ELOVL2: variants seen among roughly 807,000 people sequenced by gnomAD.
ELOVL2 encodes very long chain fatty acid elongase 2.
A neutral mutation model predicts 37.7 loss-of-function variants in ELOVL2; 38 were observed. That is an observed-to-expected ratio of 1.01 (90% CI 0.78 to 1.32). ELOVL2 has a LOEUF of 1.32. Among genes scored for constraint, ELOVL2 ranks in the 40% most tolerant of loss-of-function variants. The pLI, the probability that ELOVL2 is intolerant of heterozygous loss-of-function variation, is 0.00. For missense variants in ELOVL2, 352 were observed against 363.6 expected (o/e 0.97, Z 0.26); for synonymous variants, 115 against 122.3 (o/e 0.94, Z 0.40).
chr6:11,021,782 G>A (rs529050667), intron 1 of ELOVL2, among the ~76,000 whole-genome samples: 21 of 152,186 alleles, frequency 1.4e-4, no homozygotes, highest in African/African-American at 4.8e-4. Context: ...GTGTGCATTC[G>A]TTCATCTGTT....
intron 5 of ELOVL2, among the ~76,000 whole-genome samples, chr6:10,993,477 A>C (rs1782201808): frequency 6.6e-6 from 1 of 152,222 alleles, no homozygotes; most frequent in African/African-American, 2.4e-5. Flanking sequence ...GACCATAAAC[A>C]TTAATAAGAC....
At chr6:11,006,436 T>C (rs1782484870) in intron 2 of ELOVL2, among the ~76,000 whole-genome samples, 1 of 152,254 alleles carries the variant, frequency 6.6e-6, no homozygotes, top group Non-Finnish European at 1.5e-5. Flanking sequence ...TTCTGCTCTT[T>C]TTGTTTGTTT....
At chr6:11,036,537 C>A (rs939059607) in intron 1 of ELOVL2, among the ~76,000 whole-genome samples, 1 of 152,152 alleles carries the variant, frequency 6.6e-6, no homozygotes, top group South Asian at 2.1e-4. Flanking sequence ...ATTTCGACTG[C>A]GTTGCCCCGG....
intron 7 of ELOVL2, among the ~76,000 whole-genome samples, chr6:10,987,536 C>G (rs988366637): frequency 6.6e-6 from 1 of 152,144 alleles, no homozygotes; most frequent in African/African-American, 2.4e-5. Context: ...CCCAAAGATT[C>G]TGGTATGTTG....
intron 1 of ELOVL2, among the ~76,000 whole-genome samples, chr6:11,026,513 C>T (rs1482361069): frequency 1.3e-5 from 2 of 152,172 alleles, no homozygotes; most frequent in Non-Finnish European, 2.9e-5. Context: ...GACTGTTGCA[C>T]GTTAATCCTG....
chr6:11,028,524 T>A (rs1029092972), intron 1 of ELOVL2, among the ~76,000 whole-genome samples: 1 of 152,016 alleles, frequency 6.6e-6, no homozygotes, highest in Admixed American at 6.5e-5. Context: ...GATTGGTTTA[T>A]AAAGAAAAAA....
In ELOVL2 at chr6:10,983,663, G is replaced by A; in HGVS notation, c.*118C>T. The A allele has an allele frequency of 1.8e-6, 2 of 1,120,322 alleles. No homozygotes were observed. The highest frequency in any genetic ancestry group is 5.3e-5 in the East Asian group (2 of 37,632). The allele number at this position is 1,120,322 out of a possible 1,614,324, so 69.4% of individuals were successfully genotyped here. Reference sequence around the variant, plus strand: ...ATATTAATACATTCTGGGTACAAATGATTTATGAACTCAAAAGAAATTAGT... The same window carrying A: ...ATATTAATACATTCTGGGTACAAATAATTTATGAACTCAAAAGAAATTAGT... On this transcript the variant is annotated 3_prime_UTR_variant, in exon 8 of 8. Coordinates refer to ENST00000354666, the MANE Select transcript of ELOVL2 (RefSeq NM_017770.4).
intron 2 of ELOVL2, among the ~76,000 whole-genome samples, chr6:11,008,429 G>A (rs932374030): frequency 6.6e-6 from 1 of 151,952 alleles, no homozygotes; most frequent in African/African-American, 2.4e-5. Flanking sequence ...GTGTCAAACA[G>A]AAAACCACTG....
At chr6:11,035,582 C>A (rs1782993939) in intron 1 of ELOVL2, among the ~76,000 whole-genome samples, 1 of 152,192 alleles carries the variant, frequency 6.6e-6, no homozygotes, top group African/African-American at 2.4e-5. Flanking sequence ...TAGCTACCAG[C>A]CACCTCTTGG....
intron 1 of ELOVL2, among the ~76,000 whole-genome samples, chr6:11,026,562 C>T (rs1782840866): frequency 6.6e-6 from 1 of 152,178 alleles, no homozygotes; most frequent in Admixed American, 6.5e-5. Context: ...ACATCCAGGA[C>T]AGCCACCAAG....
chr6:11,042,140 C>CT (rs1037636073), intron 1 of ELOVL2, among the ~76,000 whole-genome samples: 1 of 152,068 alleles, frequency 6.6e-6, no homozygotes, highest in African/African-American at 2.4e-5. Flanking sequence ...TGGTGAAACT[C>CT]TGTCTCTACC....
At chr6:11,037,012 GAGAC>G (rs1444273935) in intron 1 of ELOVL2, among the ~76,000 whole-genome samples, 6 of 150,990 alleles carry the variant, frequency 4.0e-5, no homozygotes, top group Non-Finnish European at 5.9e-5. Flanking sequence ...GAGGGAGAGA[GAGAC>G]AGAGAGGGAG....
intron 3 of ELOVL2, among the ~76,000 whole-genome samples, chr6:11,002,327 CA>C (rs1381619368): frequency 6.6e-6 from 1 of 152,182 alleles, no homozygotes; most frequent in African/African-American, 2.4e-5. Flanking sequence ...TGTGGGAACT[CA>C]ATACATATTT....
intron 3 of ELOVL2, 90 bp downstream of exon 3, chr6:11,005,282 T>C (rs983501737): frequency 1.7e-6 from 2 of 1,175,332 alleles, no homozygotes; most frequent in East Asian, 2.4e-5. Context: ...TAAAGTAACC[T>C]TGCATAGTTC....
At chr6:10,999,491 T>C (rs1463802243) in intron 4 of ELOVL2, among the ~76,000 whole-genome samples, 2 of 151,828 alleles carry the variant, frequency 1.3e-5, no homozygotes, top group Non-Finnish European at 2.9e-5. Context: ...TTCTCCTGGC[T>C]CAGTCTCCTG....
chr6:10,995,279 G>C, intron 4 of ELOVL2, 101 bp from the exon 5 acceptor site: 1 of 901,220 alleles, frequency 1.1e-6, no homozygotes, highest in Non-Finnish European at 1.7e-6. Context: ...GTTTCCTGCT[G>C]TTTCTTTCTC....
At position 10,996,406 on chromosome 6, in the gene ELOVL2, C is replaced by T. The variant is rs140241155; in HGVS notation, c.334-1228G>A. Among the ~76,000 whole-genome samples, 702 of 152,186 alleles carry T rather than the reference C, an allele frequency of 4.6e-3. 3 individuals are homozygous for T. Among genetic ancestry groups the T allele is most frequent in the Non-Finnish European group, 8.0e-3 (547 of 67,998 alleles). On this transcript the variant is annotated intron_variant, in intron 4 of 7. Coordinates refer to ENST00000354666, the MANE Select transcript of ELOVL2 (RefSeq NM_017770.4). ...TTTATTTGTATTGCAGTTTTGAAGA[C>T]GTTTTTAAAATGTCCCACTTTGGGA...
chr6:11,006,957 AATT>A (rs1177382580), intron 2 of ELOVL2, among the ~76,000 whole-genome samples: 4 of 152,234 alleles, frequency 2.6e-5, no homozygotes, highest in African/African-American at 7.2e-5. Flanking sequence ...ATAGCAAGAC[AATT>A]ATTATCATTT....
intron 1 of ELOVL2, among the ~76,000 whole-genome samples, chr6:11,036,228 C>A (rs925896344): frequency 1.1e-4 from 16 of 152,154 alleles, no homozygotes; most frequent in African/African-American, 3.9e-4. Flanking sequence ...ACAAAAGGAA[C>A]ATGATAGCAT....
Sources: allele counts gnomAD v4.1 joint callset (sites outside exome capture counted in the v4.1 genomes callset), GRCh38; gene constraint gnomAD v4.1.1; transcripts MANE v1.5; gene names NCBI Gene and HGNC (gene_info 2026-07-23, HGNC 2026-07-21).